CIITA: variants seen among roughly 807,000 people sequenced by gnomAD.
CIITA encodes the protein class II major histocompatibility complex transactivator, also known as MHC class II transactivator.
CIITA carries 72 observed loss-of-function variants against 115.1 expected under a neutral mutation model. That is an observed-to-expected ratio of 0.63 (90% CI 0.52 to 0.76). The LOEUF is 0.76. Among genes scored for constraint, CIITA ranks in the 30% least tolerant of loss-of-function variants. The pLI is 0.00. For synonymous variants in CIITA, 763 were observed against 635.6 expected (o/e 1.20, Z -3.02); for missense variants, 1,617 against 1,463.8 (o/e 1.10, Z -1.71).
intron 1 of CIITA, among the ~76,000 whole-genome samples, chr16:10,891,511 A>C (rs1256747386): frequency 6.6e-6 from 1 of 152,244 alleles, no homozygotes; most frequent in Non-Finnish European, 1.5e-5. Flanking sequence ...TTTTATAGAT[A>C]TGGCCCAAAG....
rs757543648 is a variant in CIITA at position 10,920,149 on chromosome 16, C to T, written c.3149+1623C>T. Among the ~76,000 whole-genome samples the T allele has an allele frequency of 1.3e-4, 20 of 152,112 alleles. No homozygotes were observed. Among genetic ancestry groups the T allele is most frequent in the Non-Finnish European group, 2.6e-4 (18 of 68,028 alleles). On this transcript the variant is annotated intron_variant, in intron 16 of 19. Coordinates refer to ENST00000324288, the MANE Select transcript of CIITA (RefSeq NM_000246.4). This position sits in a 1 kb window ranked among gnomAD's most constrained non-coding sequence, Gnocchi z 4.5. Reference sequence around the variant, plus strand: ...GGGAATCCAGATCACACAGGGAGGCCCTTGTGGGTCACAAGAGGTATTTGC... The same window carrying T: ...GGGAATCCAGATCACACAGGGAGGCTCTTGTGGGTCACAAGAGGTATTTGC...
rs116077124 is a variant in CIITA at position 10,909,895 on chromosome 16, G to A, written c.2817-293G>A. 9.8e-3 allele frequency among the ~76,000 whole-genome samples: 1,491 copies of A among 151,928 alleles called. 8 individuals are homozygous for A. Among genetic ancestry groups the A allele is most frequent in the Middle Eastern group, 0.044 (13 of 294 alleles). On this transcript the variant is annotated intron_variant, in intron 12 of 19. Transcript: ENST00000324288. ...GATTATAGGTGCACGTCATCACACCGGATGATTTTTTAAGTTTTTGTAGAC... is the reference window on the plus strand; with the variant it reads ...GATTATAGGTGCACGTCATCACACCAGATGATTTTTTAAGTTTTTGTAGAC...
At position 10,922,408 on chromosome 16, in the gene CIITA, G is replaced by A. The variant is rs150452306; in HGVS notation, c.3235G>A (p.Val1079Ile). ...PDMVSLRVMD[V>I]QYNKFTAAGA... Reference sequence around the variant, plus strand: ...CCCAAGGTGAGTTTCTCTTGCCAGCGTCCAGTACAACAAGTTCACGGCTGC... The same window carrying A: ...CCCAAGGTGAGTTTCTCTTGCCAGCATCCAGTACAACAAGTTCACGGCTGC... Residue 1079 changes from valine to isoleucine, a missense_variant and splice_region_variant, in exon 18 of 20, where the codon GTC (valine) becomes ATC (isoleucine). By Grantham distance (29) the Val-to-Ile change is conservative (BLOSUM62 3). Coordinates refer to ENST00000324288, the MANE Select transcript of CIITA (RefSeq NM_000246.4). 5.9e-5 allele frequency: 95 copies of A among 1,614,098 alleles called. No individual in the cohort carries two copies. Among genetic ancestry groups the A allele is most frequent in the African/African-American group, 1.1e-4 (8 of 74,924 alleles).
intron 1 of CIITA, among the ~76,000 whole-genome samples, chr16:10,869,847 T>C (rs2035355969): frequency 6.6e-6 from 1 of 152,070 alleles, no homozygotes; most frequent in Non-Finnish European, 1.5e-5. Flanking sequence ...ATTACGTGTG[T>C]GTTGTTTATT....
intron 10 of CIITA, among the ~76,000 whole-genome samples, chr16:10,906,294 A>G (rs978640072): frequency 2.0e-5 from 3 of 152,180 alleles, no homozygotes; most frequent in African/African-American, 7.2e-5. Context: ...CAGGAGGTTG[A>G]GGTTGCAGCG....
intron 15 of CIITA, 110 bp from the exon 16 acceptor site, chr16:10,918,330 T>G (rs1240321756): frequency 2.0e-6 from 2 of 976,890 alleles, no homozygotes; most frequent in Admixed American, 3.4e-5. Flanking sequence ...AGAGGTAGCT[T>G]AAGTCTGTCG....
At chr16:10,893,828 AAAAAAAG>A (rs2037844314) in intron 1 of CIITA, among the ~76,000 whole-genome samples, 1 of 148,682 alleles carries the variant, frequency 6.7e-6, no homozygotes. Context: ...AAAAAAAAAA[AAAAAAAG>A]TAGAGTTCAG....
chr16:10,899,948 G>A (rs924576062), intron 5 of CIITA, among the ~76,000 whole-genome samples: 1 of 152,094 alleles, frequency 6.6e-6, no homozygotes, highest in Non-Finnish European at 1.5e-5. Flanking sequence ...GGGTGTGGTG[G>A]TGCACGCCTG....
chr16:10,904,512 C>T (rs1003654497), intron 9 of CIITA, among the ~76,000 whole-genome samples: 1 of 152,218 alleles, frequency 6.6e-6, no homozygotes, highest in Non-Finnish European at 1.5e-5. Flanking sequence ...TGAGCCACTG[C>T]ACCCAGCCTG....
chr16:10,922,485 G>A lies in CIITA; in HGVS notation c.3312G>A (p.Thr1104=), dbSNP rs201958927. ...TTCGGAGGTGTCCTCATGTGGAGAC[G>A]CTGGCGTAAGTCCAGGCAACCCTGG... ...ASLRRCPHVE[T]LAMWTPTIPF... is the part of the protein sequence containing the mutation. Residue 1104 remains threonine (T), a synonymous_variant, in exon 18 of 20, where the codon ACG becomes ACA. Transcript: ENST00000324288. The A allele has an allele frequency of 2.3e-5, 37 of 1,613,882 alleles. No individual in the cohort carries two copies. Among genetic ancestry groups the A allele is most frequent in the Admixed American group, 5.0e-5 (3 of 59,996 alleles).
At chr16:10,866,317 C>G (rs749723185) in exon 1 of CIITA, 4 of 569,666 alleles carry the variant, frequency 7.0e-6, no homozygotes, top group South Asian at 2.8e-5. Flanking sequence ...CATCCTGACT[C>G]AGGTGAGAAT....
chr16:10,939,956 G>A (rs914696157), downstream of CIITA: 11 of 152,420 alleles, frequency 7.2e-5, no homozygotes, highest in African/African-American at 2.2e-4. This position sits in a 1 kb window ranked among gnomAD's most constrained non-coding sequence, Gnocchi z 4.9. Context: ...GTAAAAGAAC[G>A]GACGGATGGA....
chr16:10,900,104 T>C (rs539234458), intron 5 of CIITA, among the ~76,000 whole-genome samples: 2 of 151,990 alleles, frequency 1.3e-5, no homozygotes, highest in Admixed American at 1.3e-4. Flanking sequence ...CAAAAGAATA[T>C]TCAGTGAAAA....
chr16:10,866,930 G>A (rs1294474912), intron 1 of CIITA, among the ~76,000 whole-genome samples: 1 of 152,170 alleles, frequency 6.6e-6, no homozygotes, highest in Non-Finnish European at 1.5e-5. Flanking sequence ...ATGGATGCAG[G>A]CACAATCAGT....
intron 1 of CIITA, among the ~76,000 whole-genome samples, chr16:10,887,972 G>A (rs1040949652): frequency 1.3e-5 from 2 of 152,158 alleles, no homozygotes; most frequent in African/African-American, 4.8e-5. Context: ...CTGTAAAATG[G>A]CTATAATAAC....
intron 1 of CIITA, among the ~76,000 whole-genome samples, chr16:10,881,066 G>C (rs1192725708): frequency 6.6e-6 from 1 of 152,168 alleles, no homozygotes; most frequent in Non-Finnish European, 1.5e-5. Context: ...TTGAGGCCAG[G>C]AGTTCAAGAC....
intron 1 of CIITA, among the ~76,000 whole-genome samples, chr16:10,867,000 T>A (rs1328004749): frequency 1.3e-5 from 2 of 151,962 alleles, no homozygotes; most frequent in African/African-American, 2.4e-5. Flanking sequence ...AATCCCAGCA[T>A]TTTGGGAGGC....
intron 11 of CIITA, chr16:10,908,761 G>A: frequency 1.7e-6 from 1 of 598,108 alleles, no homozygotes; most frequent in Non-Finnish European, 3.0e-6. Context: ...CTTTACCCAA[G>A]CTGTAAGGTC....
chr16:10,890,746 A>G (rs1390982895), intron 1 of CIITA, among the ~76,000 whole-genome samples: 2 of 152,238 alleles, frequency 1.3e-5, no homozygotes, highest in Admixed American at 6.5e-5. Flanking sequence ...AATGATGGCC[A>G]TCACACATAT....
Sources: allele counts gnomAD v4.1 joint callset (sites outside exome capture counted in the v4.1 genomes callset), GRCh38; gene constraint gnomAD v4.1.1; non-coding constraint Gnocchi (gnomAD v3.1); transcripts MANE v1.5; gene names NCBI Gene and HGNC (gene_info 2026-07-23, HGNC 2026-07-21).